TANK: variants seen among roughly 807,000 people sequenced by gnomAD.
The protein encoded by TANK is TRAF family member associated NFKB activator, also known as TRAF family member-associated NF-kappa-B activator.
A neutral mutation model predicts 43.6 loss-of-function variants in TANK; 15 were observed. The ratio of observed to expected loss-of-function variants is 0.34; its 90% CI spans 0.23 to 0.53. The LOEUF is 0.53. Ranked by LOEUF, TANK falls within the 20% of genes least tolerant of loss-of-function variation. The pLI, the probability that TANK is intolerant of heterozygous loss-of-function variation, is 0.94. For synonymous variants in TANK, 162 were observed against 178.2 expected, an observed-to-expected ratio of 0.91 and a Z score of 0.73; for missense variants, 417 against 498.6, an observed-to-expected ratio of 0.84 and a Z score of 1.56.
chr2:161,175,763 G>A (rs1164528738), intron 1 of TANK, among the ~76,000 whole-genome samples: 1 of 152,036 alleles, frequency 6.6e-6, no homozygotes, highest in Non-Finnish European at 1.5e-5. Flanking sequence ...CTGGAGAGGT[G>A]GGACAAGAAC....
intron 1 of TANK, among the ~76,000 whole-genome samples, chr2:161,174,794 C>T (rs1280711338): frequency 1.3e-5 from 2 of 152,064 alleles, no homozygotes; most frequent in African/African-American, 4.8e-5. Context: ...TAAGAATTGT[C>T]TCAGGTTTGC....
At chr2:161,185,127 A>G (rs1000518846) in intron 2 of TANK, among the ~76,000 whole-genome samples, 8 of 152,146 alleles carry the variant, frequency 5.3e-5, no homozygotes, top group African/African-American at 1.9e-4. Context: ...AGGCATAGAG[A>G]GGGAAAAATC....
chr2:161,194,782 TA>T (rs977954373), intron 2 of TANK, among the ~76,000 whole-genome samples: 2 of 152,164 alleles, frequency 1.3e-5, no homozygotes, highest in African/African-American at 2.4e-5. Flanking sequence ...GGTACTGTGT[TA>T]AAAAAAATCC....
intron 2 of TANK, among the ~76,000 whole-genome samples, chr2:161,199,864 TAAGACCCTGTCTCTATACA>T (rs1004834191): frequency 2.6e-5 from 4 of 152,170 alleles, no homozygotes; most frequent in Non-Finnish European, 4.4e-5. Flanking sequence ...GGCAGCATAG[TAAGACCCTGTCTCTATACA>T]AATAACATAA....
chr2:161,164,223 C>T (rs1053200307), intron 1 of TANK, among the ~76,000 whole-genome samples: 3 of 152,186 alleles, frequency 2.0e-5, no homozygotes, highest in Non-Finnish European at 2.9e-5. Flanking sequence ...TTCGCTATTT[C>T]GATGCTATGC....
At chr2:161,228,681 C>G (rs944406549) in intron 6 of TANK, among the ~76,000 whole-genome samples, 6 of 152,144 alleles carry the variant, frequency 3.9e-5, no homozygotes, top group Non-Finnish European at 7.4e-5. Flanking sequence ...ATATCCTAGG[C>G]CTTCACATTC....
At chr2:161,196,115 A>C (rs1278705516) in intron 2 of TANK, among the ~76,000 whole-genome samples, 1 of 152,182 alleles carries the variant, frequency 6.6e-6, no homozygotes, top group Non-Finnish European at 1.5e-5. Context: ...AATAAAATTG[A>C]TACTTGGTAA....
intron 3 of TANK, 72 bp from the exon 4 acceptor site, chr2:161,204,603 A>G (rs1182271590): frequency 7.1e-7 from 1 of 1,399,188 alleles, no homozygotes; most frequent in African/African-American, 1.5e-5. Flanking sequence ...AGTTTGTATT[A>G]TTTTTTGCTT....
Position 161,235,408 on chromosome 2 carries a change from C to A in TANK, c.1168C>A (p.Leu390Met), listed in dbSNP as rs1304497485. The change falls in exon 8 of 8, where the codon CTG (leucine) becomes ATG (methionine). Residue 390 changes from leucine to methionine, a missense_variant. Leu to Met is a conservative substitution (Grantham distance 15). Coordinates refer to ENST00000392749, the MANE Select transcript of TANK (RefSeq NM_001199135.3). ...SVVLSGTDSE[L>M]HIPRVCEFCQ... ...GGTACTAAGTGGCACAGACTCAGAA[C>A]TGCATATACCTCGAGTATGTGAATT... 1.2e-6 allele frequency: 2 copies of A among 1,613,634 alleles called. No individual in the cohort carries two copies. Among genetic ancestry groups the A allele is most frequent in the Non-Finnish European group, 1.7e-6 (2 of 1,179,812 alleles).
chr2:161,178,786 C>T (rs994604060), intron 1 of TANK, among the ~76,000 whole-genome samples: 2 of 152,022 alleles, frequency 1.3e-5, no homozygotes, highest in African/African-American at 4.8e-5. Context: ...TAACTCGGTA[C>T]CCAATATAAC....
At chr2:161,160,677 C>G (rs546474162) in intron 1 of TANK, 191 bp downstream of exon 1, 6 of 454,566 alleles carry the variant, frequency 1.3e-5, no homozygotes, top group Non-Finnish European at 2.4e-5. Flanking sequence ...CGAGTCCTTC[C>G]CCCGGAGCGG....
At chr2:161,145,227 T>G (rs1031277481) in intron 1 of TANK, among the ~76,000 whole-genome samples, 1 of 146,988 alleles carries the variant, frequency 6.8e-6, no homozygotes, top group Non-Finnish European at 1.5e-5. Context: ...TCTTTGCATG[T>G]GAGATAGGTC....
chr2:161,151,686 A>T (rs1684085576), intron 1 of TANK, among the ~76,000 whole-genome samples: 1 of 152,184 alleles, frequency 6.6e-6, no homozygotes, highest in African/African-American at 2.4e-5. Flanking sequence ...TGCAGATAAC[A>T]TATGATTTGA....
At chr2:161,146,679 A>G (rs1683919508) in intron 1 of TANK, among the ~76,000 whole-genome samples, 2 of 152,166 alleles carry the variant, frequency 1.3e-5, no homozygotes, top group South Asian at 4.1e-4. Flanking sequence ...GGAGAACAGA[A>G]AAGATGGATG....
chr2:161,138,194 T>G (rs969908771), intron 1 of TANK, among the ~76,000 whole-genome samples: 7 of 152,178 alleles, frequency 4.6e-5, no homozygotes, highest in Admixed American at 3.9e-4. Context: ...CCATGTAATA[T>G]TTCATTAAGT....
chr2:161,207,890 T>C, intron 4 of TANK: 1 of 984,320 alleles, frequency 1.0e-6, no homozygotes, highest in Middle Eastern at 5.2e-4. Flanking sequence ...GGTATGATTC[T>C]TTTTTATTCT....
chr2:161,207,620 C>T (rs1192896432), intron 4 of TANK: 1 of 984,984 alleles, frequency 1.0e-6, no homozygotes, highest in East Asian at 1.1e-4. Context: ...AAAATTAGGC[C>T]TATGTTAGAA....
Position 161,151,708 on chromosome 2 carries a change from T to A in TANK, c.-50+14645T>A, listed in dbSNP as rs533750024. On this transcript the variant is annotated intron_variant, in intron 1 of 7. Coordinates refer to the TANK transcript ENST00000259075. ...AACATATGATTTGATCATTTGATCA[T>A]GTTGTATTATCCATTCTGCCAAGCT... 2.0e-5 allele frequency among the ~76,000 whole-genome samples: 3 copies of A among 152,334 alleles called. No homozygotes were observed. The South Asian group carries it at 6.2e-4, about 32-fold the overall frequency.
At chr2:161,204,912 A>T in intron 4 of TANK, 119 bp downstream of exon 4, 1 of 1,488,998 alleles carries the variant, frequency 6.7e-7, no homozygotes, top group Non-Finnish European at 8.9e-7. Flanking sequence ...ATATACAAAT[A>T]TGTGGCTTAA....
Sources: gnomAD v4.1 joint callset for allele counts (sites outside exome capture counted in the v4.1 genomes callset) on GRCh38, gnomAD v4.1.1 for gene constraint, MANE v1.5 for transcripts, NCBI Gene and HGNC (gene_info 2026-07-23, HGNC 2026-07-21) for gene names.